DPP10: variants seen among roughly 807,000 people sequenced by gnomAD.
DPP10 encodes dipeptidyl peptidase like 10, also known as inactive dipeptidyl peptidase 10.
In DPP10, 33 loss-of-function variants were observed where a neutral mutation model predicts 120.9. The observed-to-expected ratio is 0.27, with a 90% CI of 0.21 to 0.37. The LOEUF (loss-of-function observed/expected upper bound fraction) is 0.37, where lower values mean the gene tolerates loss of function less well. Ranked by LOEUF, DPP10 falls within the 10% of genes least tolerant of loss-of-function variation. DPP10 has a pLI of 1.00. For missense variants in DPP10, 816 were observed against 942.8 expected (o/e 0.87, Z 1.76); for synonymous variants, 337 against 326.1 (o/e 1.03, Z -0.36).
chr2:115,157,099 T>A (rs1033507823), intron 1 of DPP10, among the ~76,000 whole-genome samples: 2 of 152,118 alleles, frequency 1.3e-5, no homozygotes, highest in Non-Finnish European at 2.9e-5. Context: ...GTTCTCAAGT[T>A]GTTTTGGTGT....
chr2:114,709,330 C>A (rs770403468), intron 1 of DPP10, among the ~76,000 whole-genome samples: 7 of 152,154 alleles, frequency 4.6e-5, no homozygotes, highest in Non-Finnish European at 5.9e-5. Flanking sequence ...CTCTCTCCAG[C>A]CTAGGTGTGG....
intron 1 of DPP10, among the ~76,000 whole-genome samples, chr2:114,716,809 A>G (rs181650312): frequency 4.6e-5 from 7 of 152,314 alleles, no homozygotes; most frequent in Admixed American, 4.6e-4. Flanking sequence ...AAATCATAGT[A>G]TTTTAGAAGT....
intron 1 of DPP10, chr2:115,161,894 A>G (rs2052399658): frequency 3.1e-6 from 4 of 1,310,766 alleles, no homozygotes; most frequent in Non-Finnish European, 9.8e-7. Flanking sequence ...GAACGCTGCC[A>G]AGTGACGGTC....
chr2:114,671,997 T>C (rs1349919593), intron 1 of DPP10, among the ~76,000 whole-genome samples: 1 of 152,166 alleles, frequency 6.6e-6, no homozygotes. Flanking sequence ...ATATTGTAAG[T>C]GGGATATACT....
intron 5 of DPP10, among the ~76,000 whole-genome samples, chr2:115,570,563 T>G (rs1487563956): frequency 6.6e-6 from 1 of 152,194 alleles, no homozygotes; most frequent in African/African-American, 2.4e-5. Context: ...AACTCACTCC[T>G]CCACCTGCCA....
chr2:115,525,712 T>C (rs1020470134), intron 4 of DPP10, among the ~76,000 whole-genome samples, 186 bp from the exon 5 acceptor site: 1 of 152,078 alleles, frequency 6.6e-6, no homozygotes, highest in Non-Finnish European at 1.5e-5. Context: ...GTCTAATATG[T>C]CCTCTTTAAG....
chr2:115,801,643 G>A (rs1230745176), intron 19 of DPP10, among the ~76,000 whole-genome samples: 3 of 152,134 alleles, frequency 2.0e-5, no homozygotes, highest in Non-Finnish European at 2.9e-5. Context: ...TTAGCATGAA[G>A]CGCTAGTGAA....
intron 1 of DPP10, among the ~76,000 whole-genome samples, chr2:114,508,017 T>A (rs1683821875): frequency 6.6e-6 from 1 of 152,162 alleles, no homozygotes; most frequent in Admixed American, 6.5e-5. Flanking sequence ...GCTTCCATCC[T>A]TCCTTCCTTT....
chr2:115,098,156 G>T (rs1248316958), intron 1 of DPP10, among the ~76,000 whole-genome samples: 1 of 152,186 alleles, frequency 6.6e-6, no homozygotes, highest in African/African-American at 2.4e-5. Context: ...ACGCATGGTT[G>T]TCTTACCTCT....
chr2:115,393,247 A>G (rs886777409), intron 3 of DPP10, among the ~76,000 whole-genome samples: 3 of 151,610 alleles, frequency 2.0e-5, no homozygotes, highest in Admixed American at 1.3e-4. Flanking sequence ...CAAGAGGTGG[A>G]GGTTGCAATT....
chr2:115,295,559 T>C (rs922182300), intron 1 of DPP10, among the ~76,000 whole-genome samples: 6 of 152,228 alleles, frequency 3.9e-5, no homozygotes, highest in Admixed American at 1.3e-4. Flanking sequence ...CATAGGAATA[T>C]TGATTACTAC....
At chr2:115,744,850 T>A (rs1037643958) in intron 9 of DPP10, among the ~76,000 whole-genome samples, 19 of 150,572 alleles carry the variant, frequency 1.3e-4, no homozygotes, top group African/African-American at 4.6e-4. Flanking sequence ...TTGGATTTTT[T>A]AATTCAACTC....
intron 5 of DPP10, among the ~76,000 whole-genome samples, chr2:115,679,198 G>C (rs967720897): frequency 6.6e-6 from 1 of 151,972 alleles, no homozygotes; most frequent in Admixed American, 6.5e-5. Context: ...GAGATGTGGG[G>C]GGGGTGCATG....
At chr2:114,993,464 T>A (rs1260181754) in intron 1 of DPP10, among the ~76,000 whole-genome samples, 1 of 151,330 alleles carries the variant, frequency 6.6e-6, no homozygotes, top group Non-Finnish European at 1.5e-5. Context: ...TTACAAAACC[T>A]TATAGAACCA....
At chr2:115,384,696 AAAGAAAG>A (rs1311559521) in intron 3 of DPP10, among the ~76,000 whole-genome samples, 6 of 138,626 alleles carry the variant, frequency 4.3e-5, no homozygotes, top group East Asian at 2.1e-4. Flanking sequence ...AGAAGAAGAA[AAAGAAAG>A]AAGAAAGAAG....
At chr2:114,731,028 A>C (rs923655371) in intron 1 of DPP10, among the ~76,000 whole-genome samples, 1 of 152,004 alleles carries the variant, frequency 6.6e-6, no homozygotes, top group African/African-American at 2.4e-5. Context: ...AATGGATGTG[A>C]AGAACACAAT....
At chr2:114,904,806 G>C (rs1469177750) in intron 1 of DPP10, among the ~76,000 whole-genome samples, 1 of 152,184 alleles carries the variant, frequency 6.6e-6, no homozygotes, top group African/African-American at 2.4e-5. Context: ...GAGAGAAATG[G>C]CCCCAAGATA....
intron 1 of DPP10, chr2:114,462,146 T>A (rs1678972105): frequency 1.0e-6 from 1 of 985,174 alleles, no homozygotes; most frequent in African/African-American, 1.7e-5. Context: ...ACCAGGTAAT[T>A]TTCTTTATTA....
At chr2:114,658,269 T>A (rs548653311) in intron 1 of DPP10, among the ~76,000 whole-genome samples, 1 of 152,092 alleles carries the variant, frequency 6.6e-6, no homozygotes, top group African/African-American at 2.4e-5. Flanking sequence ...ATTTGACAAT[T>A]TGACATGGTG....
Sources: allele counts gnomAD v4.1 joint callset (sites outside exome capture counted in the v4.1 genomes callset), GRCh38; gene constraint gnomAD v4.1.1; transcripts MANE v1.5; gene names NCBI Gene and HGNC (gene_info 2026-07-23, HGNC 2026-07-21).